HOMER1: variants seen among roughly 807,000 people sequenced by gnomAD.
HOMER1 encodes the protein homer scaffold protein 1.
HOMER1 carries 3 observed loss-of-function variants against 48.9 expected under a neutral mutation model. The ratio of observed to expected loss-of-function variants is 0.06; its 90% confidence interval spans 0.03 to 0.16. The LOEUF (loss-of-function observed/expected upper bound fraction) is 0.16, where lower values mean the gene tolerates loss of function less well. Among genes scored for constraint, HOMER1 ranks in the 10% least tolerant of loss-of-function variants. The pLI, the probability that HOMER1 is intolerant of heterozygous loss-of-function variation, is 1.00. For missense variants in HOMER1, 247 were observed against 411.4 expected (o/e 0.60, Z 3.46); for synonymous variants, 134 against 146.4 (o/e 0.92, Z 0.61).
At chr5:79,500,963 G>GACACAGACACACACACACACACACACAC (rs1752566545) in intron 1 of HOMER1, among the ~76,000 whole-genome samples, 11 of 101,598 alleles carry the variant, frequency 1.1e-4, no homozygotes, top group African/African-American at 3.7e-4. Flanking sequence ...GAGACAGACA[G>GACACAGACACACACACACACACACACAC]ACACACACAC....
intron 1 of HOMER1, among the ~76,000 whole-genome samples, chr5:79,473,050 C>A (rs944354959): frequency 6.6e-6 from 1 of 152,152 alleles, no homozygotes; most frequent in Non-Finnish European, 1.5e-5. Flanking sequence ...CCTGAGGGAT[C>A]CCATAAATAT....
intron 5 of HOMER1, among the ~76,000 whole-genome samples, chr5:79,417,177 C>G (rs1027803198): frequency 8.0e-5 from 12 of 150,230 alleles, no homozygotes; most frequent in African/African-American, 2.7e-4. Context: ...AAGTCTCGCT[C>G]TGTTGCCCAG....
intron 8 of HOMER1, 142 bp from the exon 9 acceptor site, chr5:79,376,339 T>C: frequency 1.6e-6 from 1 of 626,348 alleles, no homozygotes; most frequent in Non-Finnish European, 2.6e-6. Flanking sequence ...TAGCACAATT[T>C]AAGGAGATTT....
At chr5:79,381,060 A>G (rs1748957920) in intron 8 of HOMER1, among the ~76,000 whole-genome samples, 1 of 152,116 alleles carries the variant, frequency 6.6e-6, no homozygotes, top group Non-Finnish European at 1.5e-5. Flanking sequence ...CTTGCCTGGA[A>G]CTGCTAACAC....
chr5:79,433,436 T>C (rs1389037399), intron 5 of HOMER1, among the ~76,000 whole-genome samples: 1 of 152,014 alleles, frequency 6.6e-6, no homozygotes, highest in Non-Finnish European at 1.5e-5. Flanking sequence ...GTCGTGGTGA[T>C]GTAAGCCTGT....
intron 5 of HOMER1, among the ~76,000 whole-genome samples, chr5:79,428,184 C>T (rs1263497275): frequency 1.3e-4 from 19 of 151,884 alleles, no homozygotes. Flanking sequence ...TGAATAAATT[C>T]CTAAAGCCAT....
chr5:79,446,246 C>T (rs751955638), intron 4 of HOMER1, among the ~76,000 whole-genome samples: 6 of 152,146 alleles, frequency 3.9e-5, no homozygotes, highest in African/African-American at 7.2e-5. Context: ...GAGGGACCAC[C>T]CCTACAGTTT....
chr5:79,403,430 CT>C (rs1490279136), intron 5 of HOMER1, among the ~76,000 whole-genome samples: 9 of 152,082 alleles, frequency 5.9e-5, no homozygotes, highest in Non-Finnish European at 8.8e-5. Context: ...CACGAACCCC[CT>C]GATATGATGT....
intron 1 of HOMER1, among the ~76,000 whole-genome samples, chr5:79,496,603 G>C (rs760980330): frequency 2.0e-5 from 3 of 152,096 alleles, no homozygotes; most frequent in Non-Finnish European, 4.4e-5. Flanking sequence ...AAATATCTAA[G>C]ATGAAGTCCA....
intron 5 of HOMER1, among the ~76,000 whole-genome samples, chr5:79,424,135 C>A (rs1481868173): frequency 1.3e-5 from 2 of 151,996 alleles, no homozygotes; most frequent in East Asian, 3.9e-4. Context: ...TGTTATATTT[C>A]TTCCTTATTT....
chr5:79,454,097 G>C (rs964596636), intron 2 of HOMER1, among the ~76,000 whole-genome samples: 1 of 152,126 alleles, frequency 6.6e-6, no homozygotes, highest in Non-Finnish European at 1.5e-5. Flanking sequence ...TTCAGAAATG[G>C]AAAAATGCAA....
intron 3 of HOMER1, among the ~76,000 whole-genome samples, chr5:79,447,824 A>G (rs1184068339): frequency 6.6e-6 from 1 of 152,182 alleles, no homozygotes; most frequent in Non-Finnish European, 1.5e-5. Flanking sequence ...GCCACAAAGA[A>G]TATCTATTTA....
At chr5:79,407,285 GA>G (rs201041820) in intron 5 of HOMER1, among the ~76,000 whole-genome samples, 11 of 136,160 alleles carry the variant, frequency 8.1e-5, no homozygotes, top group South Asian at 2.3e-4. Context: ...AGCATTCAAT[GA>G]AAAAAAAAAT....
chr5:79,494,863 C>G (rs1185927727), intron 1 of HOMER1, among the ~76,000 whole-genome samples: 5 of 152,222 alleles, frequency 3.3e-5, no homozygotes, highest in Admixed American at 1.3e-4. Flanking sequence ...GAGTGAAACT[C>G]TTGCCTTCTC....
intron 2 of HOMER1, among the ~76,000 whole-genome samples, chr5:79,456,301 C>T (rs1751175748): frequency 6.6e-6 from 1 of 152,126 alleles, no homozygotes; most frequent in South Asian, 2.1e-4. Flanking sequence ...AAGTAATCTG[C>T]CCAAAGAGAA....
chr5:79,460,028 CT>C (rs930491451), intron 1 of HOMER1, among the ~76,000 whole-genome samples: 5 of 82,294 alleles, frequency 6.1e-5, no homozygotes, highest in Non-Finnish European at 1.4e-4. Flanking sequence ...TTCTTTCTTT[CT>C]TTTCTTTAAC....
In HOMER1 at chr5:79,506,594, G is replaced by T. The variant is rs1007949602; in HGVS notation, c.5+6176C>A. Among the ~76,000 whole-genome samples the T allele has an allele frequency of 1.1e-4, 16 of 152,240 alleles. No individual in the cohort carries two copies. In the East Asian group the frequency reaches 3.1e-3, roughly 29 times the overall value. On this transcript the variant is annotated intron_variant, in intron 1 of 8. Transcript: ENST00000334082. ...TACATGATTTTGGCCAGGCGTGATG[G>T]CTCACAGCAAGGCAGACGGATCACT...
chr5:79,421,985 G>A lies in HOMER1; in HGVS notation c.527+17025C>T, dbSNP rs370906666. ...CTCACACCTCTAATCCCAGCACTTTGGGAGGCCAAGGAGGGTGAATCATTT... is the reference window on the plus strand; with the variant it reads ...CTCACACCTCTAATCCCAGCACTTTAGGAGGCCAAGGAGGGTGAATCATTT... On this transcript the variant is annotated intron_variant, in intron 5 of 8. Transcript: ENST00000334082. Among the ~76,000 whole-genome samples, 27 of 152,256 alleles carry A rather than the reference G, an allele frequency of 1.8e-4. No individual in the cohort carries two copies. The East Asian group carries it at 5.0e-3, about 28-fold the overall frequency.
At chr5:79,482,233 A>G (rs1751969606) in intron 1 of HOMER1, among the ~76,000 whole-genome samples, 1 of 152,164 alleles carries the variant, frequency 6.6e-6, no homozygotes, top group Admixed American at 6.5e-5. Context: ...AAAATAAAAA[A>G]TAATAGAATA....
Sources: allele counts gnomAD v4.1 joint callset (sites outside exome capture counted in the v4.1 genomes callset), GRCh38; gene constraint gnomAD v4.1.1; transcripts MANE v1.5; gene names NCBI Gene and HGNC (gene_info 2026-07-23, HGNC 2026-07-21).